KIAA0930: variants seen among roughly 807,000 people sequenced by gnomAD.
KIAA0930 encodes the protein KIAA0930.
A neutral mutation model predicts 43.9 loss-of-function variants in KIAA0930; 24 were observed. The observed-to-expected ratio is 0.55, with a 90% confidence interval of 0.40 to 0.77. The LOEUF (loss-of-function observed/expected upper bound fraction) is 0.77, where lower values mean the gene tolerates loss of function less well. Among genes scored for constraint, KIAA0930 ranks in the 30% least tolerant of loss-of-function variants. KIAA0930 has a pLI of 0.00. For synonymous variants in KIAA0930, 259 were observed against 216.4 expected (o/e 1.20, Z -1.73); for missense variants, 461 against 574.2 (o/e 0.80, Z 2.02).
Position 45,192,953 on chromosome 22 carries a change from C to G in KIAA0930, c.*4223G>C, listed in dbSNP as rs995087268. 3 of 152,248 alleles carry G rather than the reference C, an allele frequency of 2.0e-5. No individual in the cohort carries two copies. The highest frequency in any genetic ancestry group is 7.2e-5 in the African/African-American group (3 of 41,462). The allele number at this position is 152,248 out of a possible 1,614,324, so 9.4% of individuals were successfully genotyped here. ...AAAGCCCCAGCAGGTGCCCATCACCCGGCTCCCAGGGGTCATCTGCAGAGT... is the reference window on the plus strand; with the variant it reads ...AAAGCCCCAGCAGGTGCCCATCACCGGGCTCCCAGGGGTCATCTGCAGAGT... On this transcript the variant is annotated 3_prime_UTR_variant, in exon 10 of 10. Transcript: ENST00000336156.
intron 1 of KIAA0930, among the ~76,000 whole-genome samples, chr22:45,233,553 AC>A (rs1274507731): frequency 6.6e-6 from 1 of 152,074 alleles, no homozygotes; most frequent in Non-Finnish European, 1.5e-5. Context: ...TCCAGTCAAA[AC>A]ACGCTTCTAC....
chr22:45,228,100 G>T (rs902656257), intron 1 of KIAA0930, among the ~76,000 whole-genome samples: 2 of 152,208 alleles, frequency 1.3e-5, no homozygotes, highest in African/African-American at 4.8e-5. Context: ...GACCCAAAGT[G>T]TGAAGTCACA....
chr22:45,209,365 C>T (rs1431942236), intron 2 of KIAA0930, among the ~76,000 whole-genome samples: 1 of 152,216 alleles, frequency 6.6e-6, no homozygotes, highest in Non-Finnish European at 1.5e-5. Context: ...AGCCTGCCCC[C>T]TGCAGGCCAC....
At chr22:45,202,731 T>C (rs561591406) in intron 7 of KIAA0930, 11 of 416,834 alleles carry the variant, frequency 2.6e-5, no homozygotes, top group African/African-American at 2.3e-4. Context: ...AGCACCAGCC[T>C]GCGGTGTGAC....
At chr22:45,223,154 G>T (rs540085426) in intron 1 of KIAA0930, among the ~76,000 whole-genome samples, 3 of 152,096 alleles carry the variant, frequency 2.0e-5, no homozygotes, top group East Asian at 3.9e-4. Context: ...TATCAATAGG[G>T]ATAGTAATTA....
At chr22:45,230,003 G>A (rs2083842256) in intron 1 of KIAA0930, among the ~76,000 whole-genome samples, 1 of 152,258 alleles carries the variant, frequency 6.6e-6, no homozygotes, top group Admixed American at 6.5e-5. Flanking sequence ...GGCTGAGGCA[G>A]GAGAATCACT....
intron 1 of KIAA0930, among the ~76,000 whole-genome samples, chr22:45,216,194 G>A (rs552569524): frequency 2.0e-5 from 3 of 152,282 alleles, no homozygotes; most frequent in African/African-American, 7.2e-5. Flanking sequence ...ACAGTGTTAG[G>A]AGTTGCAGTC....
intron 6 of KIAA0930, 63 bp downstream of exon 6, chr22:45,203,782 G>A (rs1377050313): frequency 1.3e-6 from 2 of 1,566,858 alleles, no homozygotes; most frequent in Non-Finnish European, 1.7e-6. Context: ...ATGGACCACG[G>A]TGGGCTGTGG....
At chr22:45,215,260 G>C (rs891082137) in intron 1 of KIAA0930, among the ~76,000 whole-genome samples, 17 of 152,116 alleles carry the variant, frequency 1.1e-4, no homozygotes, top group African/African-American at 4.1e-4. Flanking sequence ...TTATCAAACT[G>C]TTTAGTCTAC....
In KIAA0930 at chr22:45,240,799, G is replaced by A. The variant is rs1261127026; in HGVS notation, c.-96C>T. On this transcript the variant is annotated 5_prime_UTR_variant, in exon 1 of 10. Transcript: ENST00000336156. ...GGCGGCCCGGCCCGCAGCCCGCCGC[G>A]AGCACCAAGGAAGCCACAGTCCGCC... 6.8e-6 allele frequency: 1 copy of A among 146,138 alleles called. No homozygotes were observed. Among genetic ancestry groups the A allele is most frequent in the African/African-American group, 2.5e-5 (1 of 40,638 alleles). The allele number at this position is 146,138 out of a possible 1,614,324, so 9.1% of individuals were successfully genotyped here. A position where few individuals can be genotyped will look rare whatever the true frequency, so the allele number is the denominator to read the frequency against.
intron 2 of KIAA0930, among the ~76,000 whole-genome samples, chr22:45,210,947 C>T (rs1480286029): frequency 1.3e-5 from 2 of 152,198 alleles, no homozygotes; most frequent in Non-Finnish European, 2.9e-5. Context: ...TTGGGGTGCC[C>T]TCCCCTCTCC....
intron 8 of KIAA0930, among the ~76,000 whole-genome samples, chr22:45,199,402 A>G (rs1227811294): frequency 6.6e-6 from 1 of 152,118 alleles, no homozygotes; most frequent in African/African-American, 2.4e-5. Flanking sequence ...CGACTGTGTC[A>G]CCAAAGAGCA....
intron 1 of KIAA0930, among the ~76,000 whole-genome samples, chr22:45,240,321 GGAA>G (rs1463432628): frequency 2.6e-5 from 4 of 152,272 alleles, no homozygotes; most frequent in African/African-American, 9.6e-5. Flanking sequence ...TCCTGGAGAA[GGAA>G]GAAGACCCGC....
At chr22:45,201,516 G>T (rs1000875930) in intron 7 of KIAA0930, among the ~76,000 whole-genome samples, 3 of 152,184 alleles carry the variant, frequency 2.0e-5, no homozygotes, top group African/African-American at 7.2e-5. Flanking sequence ...CCCAGAGCTC[G>T]GGCCACATCT....
At chr22:45,219,800 A>G (rs535611236) in intron 1 of KIAA0930, among the ~76,000 whole-genome samples, 26 of 152,162 alleles carry the variant, frequency 1.7e-4, no homozygotes, top group Admixed American at 1.2e-3. Flanking sequence ...CATGTTGCCC[A>G]GGCTGGTCTT....
intron 1 of KIAA0930, among the ~76,000 whole-genome samples, chr22:45,224,792 A>G (rs1466537715): frequency 1.3e-5 from 2 of 152,150 alleles, no homozygotes; most frequent in Non-Finnish European, 2.9e-5. Flanking sequence ...GAGTGAGGCC[A>G]GGATGGTGGA....
intron 1 of KIAA0930, among the ~76,000 whole-genome samples, chr22:45,218,654 C>T (rs2083748422): frequency 6.6e-6 from 1 of 152,112 alleles, no homozygotes; most frequent in Non-Finnish European, 1.5e-5. Context: ...ACAAACCCAG[C>T]CCCTCCAACA....
rs553232613 is a variant in KIAA0930, at chr22:45,200,176, G to C, written c.853-141C>G. The C allele has an allele frequency of 6.4e-5, 50 of 780,544 alleles. No homozygotes were observed. The East Asian group carries it at 1.6e-3, about 25-fold the overall frequency. The allele number at this position is 780,544 out of a possible 1,614,324, so 48.4% of individuals were successfully genotyped here. On this transcript the variant is annotated intron_variant, in intron 7 of 9. Transcript: ENST00000336156. ...GCTGGCCCAGGAGGACCCAGGCCCAGCCGGCCCGTGCTAGGTGGGGCCTAG... is the reference window on the plus strand; with the variant it reads ...GCTGGCCCAGGAGGACCCAGGCCCACCCGGCCCGTGCTAGGTGGGGCCTAG...
intron 1 of KIAA0930, among the ~76,000 whole-genome samples, chr22:45,228,741 C>CG (rs1391462846): frequency 3.9e-4 from 31 of 79,140 alleles, no homozygotes; most frequent in Non-Finnish European, 5.0e-4. Flanking sequence ...TCTCCACCCC[C>CG]CTACCACCAC....
Sources: gnomAD v4.1 joint callset for allele counts (sites outside exome capture counted in the v4.1 genomes callset) on GRCh38, gnomAD v4.1.1 for gene constraint, MANE v1.5 for transcripts, NCBI Gene and HGNC (gene_info 2026-07-23, HGNC 2026-07-21) for gene names.